The following RBFOX1 variants were observed in gnomAD, a reference collection of about 807,000 sequenced individuals.
The protein encoded by RBFOX1 is RNA binding protein fox-1 homolog 1.
A neutral mutation model predicts 57.7 loss-of-function variants in RBFOX1; 8 were observed. The observed-to-expected ratio is 0.14, with a 90% CI of 0.08 to 0.25. The LOEUF is 0.25. Ranked by LOEUF, RBFOX1 falls within the 10% of genes least tolerant of loss-of-function variation. The pLI is 1.00. For missense variants in RBFOX1, 611 were observed against 548.5 expected (o/e 1.11, Z -1.14); for synonymous variants, 326 against 222.4 (o/e 1.47, Z -4.15).
At chr16:7,572,609 G>T (rs1208195488) in intron 5 of RBFOX1, among the ~76,000 whole-genome samples, 1 of 152,184 alleles carries the variant, frequency 6.6e-6, no homozygotes, top group Admixed American at 6.5e-5. Context: ...GGAGGCTGAG[G>T]CGGGCGGATC....
intron 2 of RBFOX1, among the ~76,000 whole-genome samples, chr16:5,595,546 G>T (rs770262266): frequency 5.9e-5 from 9 of 152,156 alleles, no homozygotes; most frequent in South Asian, 2.1e-4. Context: ...TCTAAAAAGG[G>T]TTGCAGATCA....
In RBFOX1 at chr16:6,629,582, G is replaced by T. The variant is rs116373106; in HGVS notation, c.-63-25021G>T. ...ATTAATTGGCAGGATGAATGAGGGT[G>T]GTTAGGGTGGGTGTCTGGCTGCAAG... On this transcript the variant is annotated intron_variant, in intron 2 of 15. Coordinates refer to ENST00000550418, the MANE Select transcript of RBFOX1 (RefSeq NM_018723.4). Among the ~76,000 whole-genome samples, 269 of 152,292 alleles carry T rather than the reference G, an allele frequency of 1.8e-3. 1 individual carries two copies. The highest frequency in any genetic ancestry group is 6.2e-3 in the African/African-American group (257 of 41,562).
chr16:7,374,712 G>C (rs769693310), intron 4 of RBFOX1, among the ~76,000 whole-genome samples: 2 of 152,086 alleles, frequency 1.3e-5, no homozygotes, highest in African/African-American at 4.8e-5. Context: ...TCTTCAACAC[G>C]TACTCGGTCC....
rs370083684 is a variant in RBFOX1, at chr16:7,162,933, G to A, written c.27+110835G>A. ...ATGAAGACATGTGGGTTTTCTTCCC[G>A]TTTTGGCCATCACCTGACCTAATGA... On this transcript the variant is annotated intron_variant, in intron 4 of 15. Transcript: ENST00000550418. Among the ~76,000 whole-genome samples the A allele has an allele frequency of 3.2e-4, 49 of 152,218 alleles. No homozygotes were observed. The South Asian group carries it at 9.9e-3, about 31-fold the overall frequency.
At chr16:6,970,286 A>G (rs907547780) in intron 3 of RBFOX1, among the ~76,000 whole-genome samples, 5 of 152,230 alleles carry the variant, frequency 3.3e-5, no homozygotes, top group African/African-American at 9.6e-5. Flanking sequence ...CAATGACCCA[A>G]CAACATCATC....
chr16:5,687,287 C>G (rs965274458), intron 3 of RBFOX1, among the ~76,000 whole-genome samples: 1 of 152,052 alleles, frequency 6.6e-6, no homozygotes, highest in African/African-American at 2.4e-5. Context: ...TCATGATGTC[C>G]TGGTTTAGTG....
chr16:7,524,503 T>C (rs1164932585), intron 5 of RBFOX1, among the ~76,000 whole-genome samples: 1 of 152,234 alleles, frequency 6.6e-6, no homozygotes, highest in Non-Finnish European at 1.5e-5. Context: ...CATATTATCA[T>C]TAGAGATTTG....
intron 1 of RBFOX1, among the ~76,000 whole-genome samples, chr16:5,357,707 C>T (rs866366009): frequency 7.2e-5 from 11 of 152,228 alleles, no homozygotes; most frequent in South Asian, 2.1e-4. Context: ...GGCTGTGTCC[C>T]TGTCCTTGGA....
intron 1 of RBFOX1, among the ~76,000 whole-genome samples, chr16:6,031,885 GACCCCA>G (rs1434474424): frequency 6.6e-6 from 1 of 152,146 alleles, no homozygotes; most frequent in East Asian, 1.9e-4. Flanking sequence ...ACAGGAGGCA[GACCCCA>G]GCCTTATGAA....
chr16:6,038,087 G>C (rs1370377333), intron 1 of RBFOX1: 1 of 151,948 alleles, frequency 6.6e-6, no homozygotes, highest in African/African-American at 2.4e-5. Flanking sequence ...GCGGGGGATT[G>C]ACTCCGCAAA....
chr16:6,918,024 C>T (rs148694845), intron 3 of RBFOX1, among the ~76,000 whole-genome samples: 6 of 152,260 alleles, frequency 3.9e-5, no homozygotes, highest in East Asian at 3.9e-4. Flanking sequence ...CATTAGCTCA[C>T]GCCTGTAATC....
At chr16:6,167,191 C>G (rs534357166) in intron 1 of RBFOX1, among the ~76,000 whole-genome samples, 2 of 152,220 alleles carry the variant, frequency 1.3e-5, no homozygotes, top group Non-Finnish European at 2.9e-5. Flanking sequence ...AGCCGAAACA[C>G]GCATGCGTGA....
At chr16:6,436,815 T>C (rs1027584585) in intron 2 of RBFOX1, among the ~76,000 whole-genome samples, 9 of 152,130 alleles carry the variant, frequency 5.9e-5, no homozygotes, top group Non-Finnish European at 1.0e-4. Context: ...TACACGTATA[T>C]TGAATAAATT....
intron 2 of RBFOX1, among the ~76,000 whole-genome samples, chr16:6,584,191 G>T (rs2097574374): frequency 6.6e-6 from 1 of 151,716 alleles, no homozygotes; most frequent in South Asian, 2.1e-4. Context: ...TATTTTCTCA[G>T]TAAAACAAAG....
chr16:6,177,633 G>T (rs1046665360), intron 1 of RBFOX1, among the ~76,000 whole-genome samples: 1 of 152,094 alleles, frequency 6.6e-6, no homozygotes, highest in Admixed American at 6.6e-5. Context: ...ATCCCAGCAA[G>T]ATATAAAGAT....
At chr16:6,452,130 G>T (rs1336277593) in intron 2 of RBFOX1, among the ~76,000 whole-genome samples, 17 of 142,390 alleles carry the variant, frequency 1.2e-4, no homozygotes, top group African/African-American at 3.8e-4. Flanking sequence ...TTCCTTCCAT[G>T]ACTCCATCCA....
intron 4 of RBFOX1, among the ~76,000 whole-genome samples, chr16:7,141,176 TAGG>T (rs1025868925): frequency 2.3e-4 from 35 of 152,258 alleles, no homozygotes; most frequent in African/African-American, 8.4e-4. Context: ...GGGGAGCAAG[TAGG>T]AGGATCCTGG....
At position 5,290,526 on chromosome 16, in the gene RBFOX1, A is replaced by G. The variant is rs575045134; in HGVS notation, c.219+50421A>G. 1.1e-4 allele frequency among the ~76,000 whole-genome samples: 16 copies of G among 152,294 alleles called. No individual in the cohort carries two copies. The South Asian group carries it at 3.3e-3, about 32-fold the overall frequency. On this transcript the variant is annotated intron_variant, in intron 1 of 2. Transcript: ENST00000585867. ...TTGATTTGTTCATTTTAAATGGGCA[A>G]ATCATACGGTACCTGAATTATATTG...
chr16:6,788,402 C>G (rs916155205), intron 3 of RBFOX1, among the ~76,000 whole-genome samples: 1 of 151,856 alleles, frequency 6.6e-6, no homozygotes, highest in Non-Finnish European at 1.5e-5. Flanking sequence ...ATTATCGTCT[C>G]TCTGAAAATA....
Sources: allele counts gnomAD v4.1 joint callset (sites outside exome capture counted in the v4.1 genomes callset), GRCh38; gene constraint gnomAD v4.1.1; transcripts MANE v1.5; gene names NCBI Gene and HGNC (gene_info 2026-07-23, HGNC 2026-07-21).